The following MYRFL variants were observed in gnomAD, a reference collection of about 807,000 sequenced individuals.
The protein encoded by MYRFL is myelin regulatory factor like.
MYRFL carries 88 observed loss-of-function variants against 109.4 expected under a neutral mutation model. The ratio of observed to expected loss-of-function variants is 0.80; its 90% CI spans 0.68 to 0.96. The LOEUF (loss-of-function observed/expected upper bound fraction) is 0.96, where lower values mean the gene tolerates loss of function less well. Ranked by LOEUF, MYRFL falls within the 40% of genes least tolerant of loss-of-function variation. The probability of loss-of-function intolerance (pLI) is 0.00; values close to 1 mark genes in which losing one functional copy is unlikely to be tolerated. For synonymous variants in MYRFL, 324 were observed against 320.9 expected (o/e 1.01, Z -0.10); for missense variants, 957 against 954.9 (o/e 1.00, Z -0.03).
At chr12:69,861,566 G>C (rs537816417) in intron 2 of MYRFL, among the ~76,000 whole-genome samples, 5 of 152,018 alleles carry the variant, frequency 3.3e-5, no homozygotes, top group African/African-American at 7.2e-5. Context: ...GTGTCTGTTC[G>C]TGTCCTTTGC....
intron 15 of MYRFL, among the ~76,000 whole-genome samples, chr12:69,930,813 GAAA>G (rs61430519): frequency 0.29 from 36,875 of 128,294 alleles, 4,815 homozygotes; most frequent in Non-Finnish European, 0.33. Flanking sequence ...CCCTATCTAA[GAAA>G]AAAAAAAAAA....
At chr12:69,864,180 T>A (rs1884866619) in intron 2 of MYRFL, among the ~76,000 whole-genome samples, 1 of 152,242 alleles carries the variant, frequency 6.6e-6, no homozygotes, top group Non-Finnish European at 1.5e-5. Flanking sequence ...TCTGTAAATG[T>A]ATAGTTTTGA....
rs182950442 is a variant in MYRFL at position 69,924,298 on chromosome 12, C to T, written c.1603-2273C>T. Among the ~76,000 whole-genome samples the T allele has an allele frequency of 4.7e-3, 716 of 151,516 alleles. 2 individuals carry two copies. Among genetic ancestry groups the T allele is most frequent in the Admixed American group, 7.6e-3 (116 of 15,222 alleles). Reference sequence around the variant, plus strand: ...TCTGGGTTCTATCCATTTCACCCATCTTGTTTCTTCCTTTCCATTATGTGT... The same window carrying T: ...TCTGGGTTCTATCCATTTCACCCATTTTGTTTCTTCCTTTCCATTATGTGT... On this transcript the variant is annotated intron_variant, in intron 13 of 24. Coordinates refer to ENST00000552032, the MANE Select transcript of MYRFL (RefSeq NM_182530.3).
At chr12:69,884,664 A>G (rs1282277053) in intron 5 of MYRFL, among the ~76,000 whole-genome samples, 1 of 152,224 alleles carries the variant, frequency 6.6e-6, no homozygotes, top group Non-Finnish European at 1.5e-5. Context: ...TAGAGCTACC[A>G]TGGAGGCCAA....
chr12:69,880,949 C>CCGT lies in MYRFL; in HGVS notation c.556+657_556+658insCGT, dbSNP rs1379691821. On this transcript the variant is annotated intron_variant, in intron 5 of 24. Transcript: ENST00000552032. ...TCTAATGTCCAAGCGGTCAGCCTTC[C>CCGT]TGTTTTTTTTTTTTTTTTTTGTCTT... Among the ~76,000 whole-genome samples the CCGT allele has an allele frequency of 1.5e-3, 45 of 30,234 alleles. 3 individuals are homozygous for CCGT. Among genetic ancestry groups the CCGT allele is most frequent in the African/African-American group, 3.0e-3 (32 of 10,598 alleles). 19.8% of individuals were successfully genotyped at this position (30,234 alleles called of 152,430 possible).
chr12:69,941,805 A>G (rs2120508212), intron 19 of MYRFL, among the ~76,000 whole-genome samples: 1 of 152,068 alleles, frequency 6.6e-6, no homozygotes, highest in South Asian at 2.1e-4. Flanking sequence ...AATAAAGAAA[A>G]AAAGACAGAA....
At chr12:69,948,563 CATTTGCGTTGTAA>C (rs963744293) in intron 19 of MYRFL, among the ~76,000 whole-genome samples, 2 of 152,142 alleles carry the variant, frequency 1.3e-5, no homozygotes, top group African/African-American at 4.8e-5. Flanking sequence ...CTTTATGCCT[CATTTGCGTTGTAA>C]ATTTACAACC....
At position 69,952,892 on chromosome 12, in the gene MYRFL, T is replaced by C. The variant is rs1195162939; in HGVS notation, c.2375+6T>C. On this transcript the variant is annotated splice_donor_region_variant and intron_variant, in intron 21 of 24. Transcript: ENST00000552032. ...ATTCAAAGCCTCCAGTGCGGGTAGG[T>C]AAGCCTCCCCAGCATGCCCTGGTTG... 3 of 1,527,714 alleles carry C rather than the reference T, an allele frequency of 2.0e-6. No individual in the cohort carries two copies. In the African/African-American group the frequency reaches 4.1e-5, roughly 21 times the overall value. The allele number at this position is 1,527,714 out of a possible 1,614,324, so 94.6% of individuals were successfully genotyped here.
Position 69,926,537 on chromosome 12 carries a change from A to T in MYRFL, c.1603-34A>T, listed in dbSNP as rs767637050. 9.7e-6 allele frequency: 14 copies of T among 1,441,974 alleles called. No homozygotes were observed. The South Asian group carries it at 1.8e-4, about 19-fold the overall frequency. 89.3% of individuals were successfully genotyped at this position (1,441,974 alleles called of 1,614,324 possible). On this transcript the variant is annotated intron_variant, in intron 13 of 24. Transcript: ENST00000552032. ...AGCTTTGTAGTGATCTCAAATTGTTAATTTATGCACTCTGTTTGATTTTTC... is the reference window on the plus strand; with the variant it reads ...AGCTTTGTAGTGATCTCAAATTGTTTATTTATGCACTCTGTTTGATTTTTC...
chr12:69,874,987 CTAAGATAT>C (rs1382436235), intron 2 of MYRFL, among the ~76,000 whole-genome samples: 4 of 148,466 alleles, frequency 2.7e-5, no homozygotes, highest in African/African-American at 9.8e-5. Context: ...ATGTATATAT[CTAAGATAT>C]ATACATTTAT....
intron 13 of MYRFL, among the ~76,000 whole-genome samples, chr12:69,921,854 G>A (rs751200602): frequency 4.6e-5 from 7 of 152,162 alleles, no homozygotes; most frequent in Non-Finnish European, 1.0e-4. Context: ...TGTATCCTAT[G>A]AGGCAGTATT....
chr12:69,865,685 G>T (rs1592722829), intron 2 of MYRFL, among the ~76,000 whole-genome samples: 1 of 152,088 alleles, frequency 6.6e-6, no homozygotes, highest in Non-Finnish European at 1.5e-5. Flanking sequence ...AGCTACCTGG[G>T]AGGTCTGAAA....
intron 1 of MYRFL, among the ~76,000 whole-genome samples, chr12:69,845,004 G>T (rs1249307242): frequency 1.3e-5 from 2 of 151,984 alleles, no homozygotes; most frequent in Non-Finnish European, 2.9e-5. Flanking sequence ...TAACCCATTG[G>T]ATGATTTGTT....
At chr12:69,854,371 G>A (rs987089207) in intron 1 of MYRFL, among the ~76,000 whole-genome samples, 1 of 150,946 alleles carries the variant, frequency 6.6e-6, no homozygotes, top group Non-Finnish European at 1.5e-5. Flanking sequence ...GGGAGAGGGA[G>A]AGGGAGAGGA....
rs1491453128 is a variant in MYRFL, at chr12:69,926,933, GT to G, written c.1766+227del. Among the ~76,000 whole-genome samples the G allele has an allele frequency of 6.4e-5, 2 of 31,396 alleles. 1 individual carries two copies. Among genetic ancestry groups the G allele is most frequent in the African/African-American group, 3.5e-4 (2 of 5,636 alleles). The allele number at this position is 31,396 out of a possible 152,430, so 20.6% of individuals were successfully genotyped here. ...CTTTCTTAGTTTTTTTCTGTTGCTG[GT>G]TTTTTTTTTTTTTTTTTTTTTTTTT... On this transcript the variant is annotated intron_variant, in intron 14 of 24. Coordinates refer to ENST00000552032, the MANE Select transcript of MYRFL (RefSeq NM_182530.3).
intron 23 of MYRFL, 29 bp downstream of exon 23, chr12:69,957,971 G>A (rs1225044114): frequency 6.6e-6 from 10 of 1,521,640 alleles, no homozygotes; most frequent in South Asian, 3.6e-5. Flanking sequence ...TCTCTTCCCC[G>A]CTGAGAGAGG....
intron 19 of MYRFL, among the ~76,000 whole-genome samples, chr12:69,940,445 C>A (rs1955607825): frequency 2.7e-5 from 4 of 149,442 alleles, no homozygotes; most frequent in South Asian, 4.4e-4. Flanking sequence ...TCATATCCAG[C>A]CAAACTAAGC....
intron 2 of MYRFL, among the ~76,000 whole-genome samples, chr12:69,863,406 T>C (rs929527612): frequency 2.6e-5 from 4 of 152,212 alleles, no homozygotes; most frequent in African/African-American, 9.7e-5. Flanking sequence ...GGTAAGCTAT[T>C]GATTATTGCC....
chr12:69,855,515 T>A (rs966119611), intron 2 of MYRFL, 145 bp downstream of exon 2: 8 of 544,752 alleles, frequency 1.5e-5, no homozygotes, highest in Admixed American at 9.1e-5. Context: ...CTTTGACAAA[T>A]ATCACCACTG....
Sources: gnomAD v4.1 joint callset for allele counts (sites outside exome capture counted in the v4.1 genomes callset) on GRCh38, gnomAD v4.1.1 for gene constraint, MANE v1.5 for transcripts, NCBI Gene and HGNC (gene_info 2026-07-23, HGNC 2026-07-21) for gene names.